The following CPLANE1 variants were observed in gnomAD, a reference collection of about 807,000 sequenced individuals.
CPLANE1 encodes ciliogenesis and planar polarity effector 1.
A neutral mutation model predicts 362.5 loss-of-function variants in CPLANE1; 263 were observed. The observed-to-expected ratio is 0.73, with a 90% CI of 0.66 to 0.80. CPLANE1 has a LOEUF of 0.80. Among genes scored for constraint, CPLANE1 ranks in the 30% least tolerant of loss-of-function variants. CPLANE1 has a pLI of 0.00. For synonymous variants in CPLANE1, 1,212 were observed against 1,302.6 expected, an observed-to-expected ratio of 0.93 and a Z score of 1.50; for missense variants, 3,461 against 3,793.4, an observed-to-expected ratio of 0.91 and a Z score of 2.30.
intron 42 of CPLANE1, among the ~76,000 whole-genome samples, chr5:37,148,831 A>C (rs1176220921): frequency 6.6e-6 from 1 of 152,134 alleles, no homozygotes; most frequent in African/African-American, 2.4e-5. Flanking sequence ...CAAGCAGATC[A>C]CTTGAGGTCA....
chr5:37,159,343 C>A (rs904647823), intron 38 of CPLANE1, among the ~76,000 whole-genome samples: 1 of 151,178 alleles, frequency 6.6e-6, no homozygotes, highest in Non-Finnish European at 1.5e-5. Flanking sequence ...GATCTCCTGA[C>A]CTCATGATTC....
At position 37,247,798 on chromosome 5, in the gene CPLANE1, A is replaced by T. The variant is rs1399773581; in HGVS notation, c.-47-53T>A. On this transcript the variant is annotated intron_variant, in intron 1 of 52. Transcript: ENST00000651892. ...AAATGATGCATAATATTCACTGGGCATTTTTTTTTTTTTTTTGAGACAAGA... is the reference window on the plus strand; with the variant it reads ...AAATGATGCATAATATTCACTGGGCTTTTTTTTTTTTTTTTTGAGACAAGA... 1.3e-3 allele frequency: 1,297 copies of T among 1,031,832 alleles called. 3 individuals carry two copies. Among genetic ancestry groups the T allele is most frequent in the Non-Finnish European group, 1.3e-3 (1,005 of 774,924 alleles). The allele number at this position is 1,031,832 out of a possible 1,614,324, so 63.9% of individuals were successfully genotyped here. A position where few individuals can be genotyped will look rare whatever the true frequency, so the allele number is the denominator to read the frequency against.
intron 15 of CPLANE1, among the ~76,000 whole-genome samples, chr5:37,218,020 T>C (rs946727984): frequency 6.6e-6 from 1 of 151,894 alleles, no homozygotes; most frequent in Non-Finnish European, 1.5e-5. Flanking sequence ...GAAACCCTAT[T>C]TAATAAAAAT....
Position 37,179,360 on chromosome 5 carries a change from C to G in CPLANE1, c.5820+1G>C, listed in dbSNP as rs781766239. ...ATTATATCCACTATTTATTGACTTA[C>G]TTCTTCTAACTGCTGTGGTAAAGTC... On this transcript the variant is annotated splice_donor_variant, in intron 29 of 52. Transcript: ENST00000651892. LOFTEE classifies it high-confidence loss of function. The G allele has an allele frequency of 3.2e-6, 5 of 1,585,488 alleles. No homozygotes were observed. In the South Asian group the frequency reaches 5.6e-5, roughly 18 times the overall value.
At chr5:37,210,398 A>T in intron 16 of CPLANE1, 1 of 1,012,332 alleles carries the variant, frequency 9.9e-7, no homozygotes, top group Non-Finnish European at 1.6e-6. Context: ...ATGACCAAAA[A>T]CTCAAGAATG....
In CPLANE1 at chr5:37,170,108, C is replaced by T. The variant is rs148698826; in HGVS notation, c.6395G>A (p.Arg2132His). 8.1e-6 allele frequency: 13 copies of T among 1,613,962 alleles called. No individual in the cohort carries two copies. The East Asian group carries it at 8.9e-5, about 11-fold the overall frequency. Residue 2132 changes from arginine to histidine, a missense_variant, in exon 33 of 53, where the codon CGC becomes CAC. Arg to His is a conservative substitution (Grantham distance 29, BLOSUM62 0). This residue lies in a region of CPLANE1 where 3,380 missense variants were observed against 3,666.1 expected (regional missense o/e 0.92). Transcript: ENST00000651892. ...QSMGENAREP[R>H]KNSPHCHEGT... ...TTCATGGCAGTGTGGGCTGTTCTTGCGAGGCTCTCTGGCGTTCTCTCCCAT... is the reference window on the plus strand; with the variant it reads ...TTCATGGCAGTGTGGGCTGTTCTTGTGAGGCTCTCTGGCGTTCTCTCCCAT...
At chr5:37,183,972 T>G (rs1229608084) in intron 25 of CPLANE1, among the ~76,000 whole-genome samples, 1 of 152,190 alleles carries the variant, frequency 6.6e-6, no homozygotes, top group Non-Finnish European at 1.5e-5. Context: ...AATTTCACTA[T>G]AAAAGAACAT....
intron 14 of CPLANE1, 93 bp downstream of exon 14, chr5:37,224,160 A>G: frequency 1.3e-6 from 1 of 759,844 alleles, no homozygotes; most frequent in Non-Finnish European, 2.1e-6. Flanking sequence ...AATGGCACAT[A>G]TTTTTTGGAA....
At chr5:37,239,580 C>CAAAA (rs10591482) in intron 7 of CPLANE1, 133 bp downstream of exon 7, 38 of 304,292 alleles carry the variant, frequency 1.2e-4, no homozygotes, top group South Asian at 2.6e-4. Flanking sequence ...GAGACCCTGT[C>CAAAA]AAAAAAAAAA....
In CPLANE1 at chr5:37,185,165, G is replaced by C. The variant is rs1033864016; in HGVS notation, c.4190-86C>G. 6.4e-6 allele frequency: 8 copies of C among 1,255,400 alleles called. No homozygotes were observed. In the African/African-American group the frequency reaches 1.2e-4, roughly 19 times the overall value. 77.8% of individuals were successfully genotyped at this position (1,255,400 alleles called of 1,614,324 possible). A position where few individuals can be genotyped will look rare whatever the true frequency, so the allele number is the denominator to read the frequency against. On this transcript the variant is annotated intron_variant, in intron 24 of 52. Coordinates refer to ENST00000651892, the MANE Select transcript of CPLANE1 (RefSeq NM_001384732.1). ...GAGACCCAACTCTGGTCCCTCCTGG[G>C]GACAAGAAACCTAACTGATGACTAA...
In CPLANE1 at chr5:37,179,353, T is replaced by C. The variant is rs181096718; in HGVS notation, c.5820+8A>G. 57 of 1,556,512 alleles carry C rather than the reference T, an allele frequency of 3.7e-5. No homozygotes were observed. In the African/African-American group the frequency reaches 6.0e-4, roughly 16 times the overall value. On this transcript the variant is annotated splice_region_variant and intron_variant, in intron 29 of 52. Transcript: ENST00000651892. Reference sequence around the variant, plus strand: ...AAGAATAATTATATCCACTATTTATTGACTTACTTCTTCTAACTGCTGTGG... The same window carrying C: ...AAGAATAATTATATCCACTATTTATCGACTTACTTCTTCTAACTGCTGTGG...
chr5:37,138,620 G>T, intron 46 of CPLANE1, 100 bp downstream of exon 46: 1 of 1,299,684 alleles, frequency 7.7e-7, no homozygotes, highest in Non-Finnish European at 1.1e-6. Context: ...CTAAGCTTCA[G>T]ATTTGTTTCA....
intron 32 of CPLANE1, 70 bp from the exon 33 acceptor site, chr5:37,170,401 C>T: frequency 7.1e-7 from 1 of 1,398,682 alleles, no homozygotes; most frequent in Non-Finnish European, 9.8e-7. Flanking sequence ...TAACAATAAT[C>T]ATCTGAGTAT....
the CPLANE1 span, among the ~76,000 whole-genome samples, chr5:37,076,260 A>C: frequency 1.3e-5 from 2 of 151,896 alleles, no homozygotes. Context: ...TCTCAAAAAA[A>C]AAAAAAAGAA....
At chr5:37,242,244 C>T (rs1033879658) in intron 6 of CPLANE1, among the ~76,000 whole-genome samples, 2 of 151,712 alleles carry the variant, frequency 1.3e-5, no homozygotes, top group Non-Finnish European at 2.9e-5. Context: ...GTCCCAGCTA[C>T]TCGGGAGGCT....
the CPLANE1 span, chr5:37,085,859 C>G: frequency 9.1e-7 from 1 of 1,096,334 alleles, no homozygotes. Flanking sequence ...GTGAAATGGT[C>G]CCTGGGTGAC....
At chr5:37,218,948 C>CAA (rs773096225) in intron 15 of CPLANE1, among the ~76,000 whole-genome samples, 3 of 117,808 alleles carry the variant, frequency 2.5e-5, no homozygotes, top group Non-Finnish European at 3.6e-5. Context: ...AACTCCATCT[C>CAA]AAAAAAAAAA....
chr5:37,187,156 T>C (rs1156508166), intron 23 of CPLANE1, among the ~76,000 whole-genome samples: 2 of 151,626 alleles, frequency 1.3e-5, no homozygotes, highest in East Asian at 1.9e-4. Flanking sequence ...GTTGTACCCT[T>C]TGACCAAGAT....
At chr5:37,230,253 C>T (rs548864822) in intron 9 of CPLANE1, among the ~76,000 whole-genome samples, 471 of 150,000 alleles carry the variant, frequency 3.1e-3, no homozygotes, top group Non-Finnish European at 5.7e-3. Context: ...AACCCAAAGT[C>T]ATACAACTAA....
Sources: allele counts gnomAD v4.1 joint callset (sites outside exome capture counted in the v4.1 genomes callset), GRCh38; gene constraint gnomAD v4.1.1; regional missense constraint gnomAD v4.1.1; transcripts MANE v1.5; gene names NCBI Gene and HGNC (gene_info 2026-07-23, HGNC 2026-07-21).